Variants in UNC5C observed in about 807,000 individuals in gnomAD.
UNC5C encodes the protein netrin receptor UNC5C.
In UNC5C, 47 loss-of-function variants were observed where a neutral mutation model predicts 99.8. The observed-to-expected ratio is 0.47, with a 90% CI of 0.37 to 0.60. The LOEUF is 0.60. UNC5C is among the 20% of genes least tolerant of loss of function. The pLI, the probability that UNC5C is intolerant of heterozygous loss-of-function variation, is 0.00. For missense variants in UNC5C, 1,062 were observed against 1,165.9 expected (o/e 0.91, Z 1.30); for synonymous variants, 487 against 452.2 (o/e 1.08, Z -0.98).
At chr4:95,280,581 C>G (rs764434429) in intron 3 of UNC5C, among the ~76,000 whole-genome samples, 1 of 151,730 alleles carries the variant, frequency 6.6e-6, no homozygotes, top group African/African-American at 2.4e-5. Context: ...CCTAGCTACT[C>G]GGGAAGCTGA....
intron 1 of UNC5C, among the ~76,000 whole-genome samples, chr4:95,401,720 G>A (rs943009403): frequency 6.6e-6 from 1 of 152,248 alleles, no homozygotes; most frequent in East Asian, 1.9e-4. Context: ...CCCTACTTGG[G>A]GCATAACAAG....
At position 95,361,852 on chromosome 4, in the gene UNC5C, T is replaced by C. The variant is rs367692497; in HGVS notation, c.125-26221A>G. 7.9e-5 allele frequency among the ~76,000 whole-genome samples: 12 copies of C among 152,094 alleles called. No homozygotes were observed. In the East Asian group the frequency reaches 1.7e-3, roughly 22 times the overall value. ...CATACTGAACCAAAGGCTCAAAAAA[T>C]AGTCTTATGATTCTAATGATCAATC... On this transcript the variant is annotated intron_variant, in intron 1 of 15. Coordinates refer to ENST00000453304, the MANE Select transcript of UNC5C (RefSeq NM_003728.4).
intron 1 of UNC5C, among the ~76,000 whole-genome samples, chr4:95,450,964 T>G (rs10014446): frequency 0.068 from 10,385 of 152,294 alleles, 461 homozygotes; most frequent in Middle Eastern, 0.11. Context: ...AAAGTGCCTA[T>G]AATTTTGTTA....
chr4:95,359,715 G>A (rs1394505421), intron 1 of UNC5C, among the ~76,000 whole-genome samples: 1 of 152,074 alleles, frequency 6.6e-6, no homozygotes, highest in East Asian at 1.9e-4. Context: ...GGCTTGGTAA[G>A]CCTGACTGCT....
intron 1 of UNC5C, among the ~76,000 whole-genome samples, chr4:95,401,411 C>G (rs1359942121): frequency 6.6e-6 from 1 of 152,030 alleles, no homozygotes; most frequent in Non-Finnish European, 1.5e-5. Flanking sequence ...AAGTGATTCT[C>G]CCAATTTAGC....
chr4:95,340,769 C>A (rs1183127796), intron 1 of UNC5C, among the ~76,000 whole-genome samples: 1 of 152,006 alleles, frequency 6.6e-6, no homozygotes, highest in Non-Finnish European at 1.5e-5. Context: ...AAAGGGGGCA[C>A]CATTTTCTGC....
intron 1 of UNC5C, among the ~76,000 whole-genome samples, chr4:95,374,238 C>T (rs1038679268): frequency 6.6e-6 from 1 of 151,994 alleles, no homozygotes; most frequent in Non-Finnish European, 1.5e-5. Context: ...ACACCATATG[C>T]CTAGATACTT....
chr4:95,234,926 T>C (rs1418467233), intron 7 of UNC5C, among the ~76,000 whole-genome samples: 1 of 152,186 alleles, frequency 6.6e-6, no homozygotes, highest in African/African-American at 2.4e-5. Flanking sequence ...TGAATCCAAG[T>C]TATCACACAG....
rs377190994 is a variant in UNC5C at position 95,177,454 on chromosome 4, G to A, written c.2451+5443C>T. On this transcript the variant is annotated intron_variant, in intron 14 of 15. Transcript: ENST00000453304. ...CACCGCTTCAGTGGCCTCCCCAGCC[G>A]TGAATGCACTGGCACTGCAGGCGGT... 1.3e-4 allele frequency among the ~76,000 whole-genome samples: 20 copies of A among 152,162 alleles called. No homozygotes were observed. The East Asian group carries it at 3.5e-3, about 26-fold the overall frequency.
intron 1 of UNC5C, among the ~76,000 whole-genome samples, chr4:95,423,377 GT>G (rs1289420725): frequency 6.6e-6 from 1 of 152,166 alleles, no homozygotes; most frequent in Admixed American, 6.5e-5. Context: ...GAGAAAGTAA[GT>G]TGCCTGCTCT....
chr4:95,250,698 C>T (rs1359792994), intron 4 of UNC5C, 31 bp from the exon 5 acceptor site: 2 of 1,603,394 alleles, frequency 1.2e-6, no homozygotes, highest in South Asian at 2.2e-5. Context: ...TAGATAAATC[C>T]TCAGCATGGA....
intron 1 of UNC5C, among the ~76,000 whole-genome samples, chr4:95,421,219 C>G (rs1212378876): frequency 1.3e-5 from 2 of 152,140 alleles, no homozygotes; most frequent in African/African-American, 4.8e-5. Flanking sequence ...TTTTATGACT[C>G]TAGTTCCTCT....
At chr4:95,444,103 AG>A (rs1355359755) in intron 1 of UNC5C, among the ~76,000 whole-genome samples, 1 of 152,134 alleles carries the variant, frequency 6.6e-6, no homozygotes, top group Non-Finnish European at 1.5e-5. Flanking sequence ...CTAACTCCAT[AG>A]ATTATACTGG....
At chr4:95,507,185 C>T (rs1217396929) in intron 1 of UNC5C, among the ~76,000 whole-genome samples, 1 of 151,900 alleles carries the variant, frequency 6.6e-6, no homozygotes, top group Non-Finnish European at 1.5e-5. Context: ...GGAGAATAAT[C>T]ATTTTCAATT....
chr4:95,221,301 C>T (rs138906415), intron 7 of UNC5C, among the ~76,000 whole-genome samples: 17 of 152,222 alleles, frequency 1.1e-4, no homozygotes, highest in African/African-American at 4.1e-4. Flanking sequence ...TCGAGAACAA[C>T]CTAGAATTTT....
At chr4:95,513,027 G>T (rs1722120809) in intron 1 of UNC5C, among the ~76,000 whole-genome samples, 1 of 152,106 alleles carries the variant, frequency 6.6e-6, no homozygotes. Context: ...AATTTTCTTG[G>T]TAGCAGTTAG....
At chr4:95,455,806 CG>C (rs1419472112) in intron 1 of UNC5C, among the ~76,000 whole-genome samples, 1 of 152,004 alleles carries the variant, frequency 6.6e-6, no homozygotes, top group Non-Finnish European at 1.5e-5. Flanking sequence ...AATAACTTGA[CG>C]TTCTACATAA....
chr4:95,302,408 A>G (rs76492876), intron 2 of UNC5C, among the ~76,000 whole-genome samples: 1,668 of 152,348 alleles, frequency 0.011, 28 homozygotes, highest in African/African-American at 0.038. Context: ...AAATAATTGG[A>G]ATTTATTTCA....
Position 95,301,475 on chromosome 4 carries a change from G to A in UNC5C, c.490+131C>T, listed in dbSNP as rs1038318841. ...CTCCCAAAGTGCTGGGATTACAGGCGTGAGTCACCGCGCCTGGCCTTTCCA... is the reference window on the plus strand; with the variant it reads ...CTCCCAAAGTGCTGGGATTACAGGCATGAGTCACCGCGCCTGGCCTTTCCA... On this transcript the variant is annotated intron_variant, in intron 3 of 15. Transcript: ENST00000453304. 67 of 1,273,992 alleles carry A rather than the reference G, an allele frequency of 5.3e-5. No individual in the cohort carries two copies. In the South Asian group the frequency reaches 9.3e-4, roughly 18 times the overall value. 78.9% of individuals were successfully genotyped at this position (1,273,992 alleles called of 1,614,324 possible). A position where few individuals can be genotyped will look rare whatever the true frequency, so the allele number is the denominator to read the frequency against.
Sources: allele counts gnomAD v4.1 joint callset (sites outside exome capture counted in the v4.1 genomes callset), GRCh38; gene constraint gnomAD v4.1.1; transcripts MANE v1.5; gene names NCBI Gene and HGNC (gene_info 2026-07-23, HGNC 2026-07-21).